The following STAU2 variants were observed in gnomAD, a reference collection of about 807,000 sequenced individuals.
STAU2 encodes staufen double-stranded RNA binding protein 2.
In STAU2, 20 loss-of-function variants were observed where a neutral mutation model predicts 65.9. That is an observed-to-expected ratio of 0.30 (90% CI 0.21 to 0.44). The LOEUF (loss-of-function observed/expected upper bound fraction) is 0.44. Among genes scored for constraint, STAU2 ranks in the 20% least tolerant of loss-of-function variants. The probability of loss-of-function intolerance (pLI) is 1.00; values close to 1 mark genes in which losing one functional copy is unlikely to be tolerated. For missense variants in STAU2, 558 were observed against 683.9 expected, an observed-to-expected ratio of 0.82 and a Z score of 2.05; for synonymous variants, 232 against 233.9, an observed-to-expected ratio of 0.99 and a Z score of 0.07.
At chr8:73,446,942 CTGTT>C (rs1159153782) in intron 13 of STAU2, among the ~76,000 whole-genome samples, 3 of 152,090 alleles carry the variant, frequency 2.0e-5, no homozygotes. Context: ...ATATTCTTTT[CTGTT>C]TGTTTGTGTT....
At chr8:73,509,002 C>T (rs2128923255) in intron 13 of STAU2, among the ~76,000 whole-genome samples, 1 of 152,148 alleles carries the variant, frequency 6.6e-6, no homozygotes, top group South Asian at 2.1e-4. Flanking sequence ...GTTTATTTTT[C>T]TTAGGTAGAT....
At chr8:73,490,891 G>A (rs1229168490) in intron 13 of STAU2, among the ~76,000 whole-genome samples, 1 of 151,852 alleles carries the variant, frequency 6.6e-6, no homozygotes, top group African/African-American at 2.4e-5. Context: ...ACAAAAATTA[G>A]AGCTTCATAA....
At chr8:73,579,919 T>C (rs1809858930) in intron 12 of STAU2, among the ~76,000 whole-genome samples, 1 of 152,224 alleles carries the variant, frequency 6.6e-6, no homozygotes, top group Non-Finnish European at 1.5e-5. Context: ...GTTGTAATTG[T>C]TAGCAGTTTC....
chr8:73,467,456 C>T (rs570349148), intron 13 of STAU2, among the ~76,000 whole-genome samples: 1 of 152,144 alleles, frequency 6.6e-6, no homozygotes, highest in African/African-American at 2.4e-5. Flanking sequence ...GGCGTGAACC[C>T]GGGAGGAGGA....
intron 13 of STAU2, among the ~76,000 whole-genome samples, chr8:73,500,729 AG>A (rs1821700459): frequency 6.6e-6 from 1 of 151,984 alleles, no homozygotes; most frequent in Non-Finnish European, 1.5e-5. Flanking sequence ...TCATATGTTT[AG>A]AAGACTAAAC....
At chr8:73,683,598 A>G (rs1818585930) in intron 5 of STAU2, among the ~76,000 whole-genome samples, 2 of 152,186 alleles carry the variant, frequency 1.3e-5, no homozygotes, top group African/African-American at 4.8e-5. Context: ...CAGTACTGGA[A>G]GTCCTAGCCG....
intron 6 of STAU2, among the ~76,000 whole-genome samples, chr8:73,633,574 G>A (rs978196746): frequency 6.6e-6 from 1 of 152,144 alleles, no homozygotes; most frequent in African/African-American, 2.4e-5. Context: ...GGCATGATCT[G>A]ACCTTGAGGC....
intron 13 of STAU2, among the ~76,000 whole-genome samples, chr8:73,492,583 C>T (rs74902045): frequency 0.017 from 2,642 of 151,920 alleles, 78 homozygotes; most frequent in African/African-American, 0.061. Flanking sequence ...TATACACAAA[C>T]CTCTTAGGAC....
At chr8:73,522,665 CTAATT>C (rs1823103517) in intron 13 of STAU2, among the ~76,000 whole-genome samples, 1 of 152,098 alleles carries the variant, frequency 6.6e-6, no homozygotes, top group South Asian at 2.1e-4. Flanking sequence ...GACAATTGAA[CTAATT>C]TGAGTGTGAA....
At chr8:73,687,742 C>T (rs935321347) in intron 5 of STAU2, among the ~76,000 whole-genome samples, 1 of 151,366 alleles carries the variant, frequency 6.6e-6, no homozygotes, top group African/African-American at 2.4e-5. Context: ...GACAGAGTCT[C>T]GCTCTGTCGC....
At chr8:73,501,340 C>T (rs1401592209) in intron 13 of STAU2, among the ~76,000 whole-genome samples, 3 of 151,854 alleles carry the variant, frequency 2.0e-5, no homozygotes, top group African/African-American at 7.2e-5. Context: ...GGAAATACAT[C>T]TCTATACAAA....
intron 13 of STAU2, among the ~76,000 whole-genome samples, chr8:73,471,805 C>T (rs540251733): frequency 3.9e-5 from 4 of 103,642 alleles, no homozygotes; most frequent in South Asian, 3.1e-4. Context: ...GCAACAAGGG[C>T]GAGACTCCAA....
At chr8:73,533,333 TCA>T (rs1805949304) in intron 13 of STAU2, among the ~76,000 whole-genome samples, 1 of 152,180 alleles carries the variant, frequency 6.6e-6, no homozygotes, top group Admixed American at 6.5e-5. Context: ...TTTCAATATA[TCA>T]ATTAAATAAG....
rs148150888 is a variant in STAU2 at position 73,480,761 on chromosome 8, G to A, written c.1531-58059C>T. Reference sequence around the variant, plus strand: ...ACACGAAATATGTAGGAACCAAACTGGAAGTGCAGGATGGTAAAGGGAGGC... The same window carrying A: ...ACACGAAATATGTAGGAACCAAACTAGAAGTGCAGGATGGTAAAGGGAGGC... On this transcript the variant is annotated intron_variant, in intron 13 of 14. Coordinates refer to ENST00000524300, the MANE Select transcript of STAU2 (RefSeq NM_001164380.2). Among the ~76,000 whole-genome samples the A allele has an allele frequency of 2.8e-4, 42 of 152,200 alleles. 1 individual carries two copies. Among genetic ancestry groups the A allele is most frequent in the Admixed American group, 1.4e-3 (21 of 15,280 alleles).
At chr8:73,428,667 A>C (rs902625802) in intron 13 of STAU2, among the ~76,000 whole-genome samples, 1 of 152,204 alleles carries the variant, frequency 6.6e-6, no homozygotes, top group Non-Finnish European at 1.5e-5. Context: ...CTTTTAAAAA[A>C]TCGTTTTTAG....
At chr8:73,512,805 T>G (rs1822484708) in intron 13 of STAU2, among the ~76,000 whole-genome samples, 1 of 152,222 alleles carries the variant, frequency 6.6e-6, no homozygotes, top group Non-Finnish European at 1.5e-5. Context: ...TCAAATCTGT[T>G]ATTGAGTTAC....
intron 13 of STAU2, among the ~76,000 whole-genome samples, chr8:73,442,605 G>C (rs1477017932): frequency 1.3e-5 from 2 of 152,090 alleles, no homozygotes; most frequent in African/African-American, 2.4e-5. Context: ...AAATACTTTT[G>C]GAAAAAATTC....
chr8:73,446,503 T>G (rs1818474185), intron 13 of STAU2, among the ~76,000 whole-genome samples: 1 of 152,248 alleles, frequency 6.6e-6, no homozygotes, highest in Admixed American at 6.5e-5. Flanking sequence ...AGAGACTGTG[T>G]GCAGAGTACG....
intron 13 of STAU2, among the ~76,000 whole-genome samples, chr8:73,477,526 G>A (rs1252955579): frequency 2.0e-5 from 3 of 152,224 alleles, no homozygotes; most frequent in Non-Finnish European, 1.5e-5. Context: ...AAGCATTTAA[G>A]CAGAGGAATG....
Sources: gnomAD v4.1 joint callset for allele counts (sites outside exome capture counted in the v4.1 genomes callset) on GRCh38, gnomAD v4.1.1 for gene constraint, MANE v1.5 for transcripts, NCBI Gene and HGNC (gene_info 2026-07-23, HGNC 2026-07-21) for gene names.